The following RMND5B variants were observed in gnomAD, a reference collection of about 807,000 sequenced individuals.
RMND5B encodes the protein E3 ubiquitin-protein transferase RMND5B.
A neutral mutation model predicts 50.4 loss-of-function variants in RMND5B; 42 were observed. The ratio of observed to expected loss-of-function variants is 0.83; its 90% CI spans 0.65 to 1.08. The LOEUF is 1.08. Ranked by LOEUF, RMND5B falls within the 50% of genes least tolerant of loss-of-function variation. The pLI, the probability that RMND5B is intolerant of heterozygous loss-of-function variation, is 0.00. For missense variants in RMND5B, 463 were observed against 508.5 expected (o/e 0.91, Z 0.86); for synonymous variants, 220 against 210.0 (o/e 1.05, Z -0.41).
In RMND5B at chr5:178,147,565, T is replaced by G. The variant is rs1465567268; in HGVS notation, c.893T>G (p.Leu298Trp). ...FASGCVALPVLMNIKAVIEQR... is the reference protein window; with the variant it reads ...FASGCVALPVWMNIKAVIEQR... The stretch of plus-strand genomic sequence containing the variant: ...TCTGGCTGTGTGGCGCTGCCTGTGT[T>G]GATGAACATCAAGGCTGTGATTGAG... The change falls in exon 9 of 11, where the codon TTG (leucine) becomes TGG (tryptophan). Residue 298 changes from leucine to tryptophan, a missense_variant. Coordinates refer to ENST00000313386, the MANE Select transcript of RMND5B (RefSeq NM_022762.5). 1.9e-6 allele frequency: 3 copies of G among 1,614,112 alleles called. No individual in the cohort carries two copies. Among genetic ancestry groups the G allele is most frequent in the African/African-American group, 1.3e-5 (1 of 75,012 alleles).
rs766189938 is a variant in RMND5B, at chr5:178,138,274, TG to T, written c.139+17del. 2.5e-6 allele frequency: 4 copies of T among 1,611,558 alleles called. No individual in the cohort carries two copies. The South Asian group carries it at 4.4e-5, about 18-fold the overall frequency. ...GCCAGCGCAGGTGGGTGGCCACCCTTGCAAGTGCCCTGCGACAGCCTCCCTG... is the reference window on the plus strand; with the variant it reads ...GCCAGCGCAGGTGGGTGGCCACCCTTCAAGTGCCCTGCGACAGCCTCCCTG... On this transcript the variant is annotated intron_variant, in intron 3 of 10. Coordinates refer to ENST00000313386, the MANE Select transcript of RMND5B (RefSeq NM_022762.5). This position sits in a 1 kb window ranked among gnomAD's most constrained non-coding sequence, Gnocchi z 5.1.
At position 178,149,917 on chromosome 5, in the gene RMND5B, C is replaced by T; in HGVS notation, c.*1885C>T. On this transcript the variant is annotated 3_prime_UTR_variant, in exon 11 of 11. Transcript: ENST00000313386. ...AGGAAGTCACCAACTGATGACCCAC[C>T]AGCCTAATCTGGCCCACAACCATGT... is the stretch of plus-strand genomic sequence containing the variant. The T allele has an allele frequency of 6.6e-7, 1 of 1,507,950 alleles. No homozygotes were observed. The highest frequency in any genetic ancestry group is 1.2e-5 in the South Asian group (1 of 84,340). The allele number at this position is 1,507,950 out of a possible 1,614,324, so 93.4% of individuals were successfully genotyped here.
rs1758654135 is a variant in RMND5B, at chr5:178,137,051, T to C, written c.-12-1057T>C. The stretch of plus-strand genomic sequence containing the variant: ...TAGGTGGGCACAGGCTAGAGACAGC[T>C]GCTGAAGACGCTGACGTCTGAGCTA... On this transcript the variant is annotated intron_variant, in intron 2 of 10. Transcript: ENST00000313386. This position sits in a 1 kb window ranked among gnomAD's most constrained non-coding sequence, Gnocchi z 4.4. 6.6e-6 allele frequency among the ~76,000 whole-genome samples: 1 copy of C among 152,114 alleles called. No homozygotes were observed. The highest frequency in any genetic ancestry group is 2.4e-5 in the African/African-American group (1 of 41,418).
chr5:178,146,721 C>T (rs1186992087), intron 8 of RMND5B: 1 of 158,462 alleles, frequency 6.3e-6, no homozygotes, highest in Admixed American at 6.0e-5. Context: ...TCCCAGCAAC[C>T]CTGGGAGGGA....
In RMND5B at chr5:178,147,993, G is replaced by T. The variant is rs191806078; in HGVS notation, c.1143G>T (p.Met381Ile). Residue 381 changes from methionine to isoleucine, a missense_variant, in exon 11 of 11, where the codon ATG becomes ATT. Coordinates refer to ENST00000313386, the MANE Select transcript of RMND5B (RefSeq NM_022762.5). ...GGKLKCPYCP[M>I]EQNPADGKRI... is the part of the protein sequence containing the mutation. The stretch of plus-strand genomic sequence containing the variant: ...GGCTGAAGTGTCCCTACTGTCCCAT[G>T]GAGCAGAACCCGGCAGATGGGAAAC... 1.2e-6 allele frequency: 2 copies of T among 1,614,112 alleles called. No individual in the cohort carries two copies. The highest frequency in any genetic ancestry group is 1.1e-5 in the South Asian group (1 of 91,060).
intron 8 of RMND5B, chr5:178,146,957 A>G (rs554302819): frequency 6.3e-6 from 1 of 158,434 alleles, no homozygotes; most frequent in East Asian, 1.9e-4. Flanking sequence ...GTTACCATGG[A>G]CTCAGTTTAT....
Position 178,145,860 on chromosome 5 carries a change from G to A in RMND5B, c.695-254G>A. On this transcript the variant is annotated intron_variant, in intron 7 of 10. Coordinates refer to ENST00000313386, the MANE Select transcript of RMND5B (RefSeq NM_022762.5). ...TGGGGGAGGAAAGAGAACTGGAAAA[G>A]AACTGTCCTCATTCCTGATTCTGTG... 8.8e-6 allele frequency: 4 copies of A among 452,348 alleles called. No homozygotes were observed. The South Asian group carries it at 1.2e-4, about 14-fold the overall frequency. The allele number at this position is 452,348 out of a possible 1,614,324, so 28.0% of individuals were successfully genotyped here.
rs1409603740 is a variant in RMND5B at position 178,149,654 on chromosome 5, C to T, written c.*1622C>T. The T allele has an allele frequency of 6.2e-6, 10 of 1,607,430 alleles. No individual in the cohort carries two copies. The highest frequency in any genetic ancestry group is 2.2e-4 in the Middle Eastern group (1 of 4,640). On this transcript the variant is annotated 3_prime_UTR_variant, in exon 11 of 11. Coordinates refer to ENST00000313386, the MANE Select transcript of RMND5B (RefSeq NM_022762.5). ...GTGGGTGGGCAGGAGGACAGCCAGTCGTCCTGCTGCCAGCCCAATAGCTTC... is the reference window on the plus strand; with the variant it reads ...GTGGGTGGGCAGGAGGACAGCCAGTTGTCCTGCTGCCAGCCCAATAGCTTC...
intron 7 of RMND5B, among the ~76,000 whole-genome samples, chr5:178,144,565 C>G (rs1755879820): frequency 6.6e-6 from 1 of 151,904 alleles, no homozygotes; most frequent in Non-Finnish European, 1.5e-5. Context: ...AACCCCATCT[C>G]TACTAAAAAT....
At position 178,142,839 on chromosome 5, in the gene RMND5B, C is replaced by G; in HGVS notation, c.286-13C>G. The G allele has an allele frequency of 6.2e-7, 1 of 1,614,194 alleles. No individual in the cohort carries two copies. Among genetic ancestry groups the G allele is most frequent in the South Asian group, 1.1e-5 (1 of 91,072 alleles). On this transcript the variant is annotated splice_polypyrimidine_tract_variant and intron_variant, in intron 4 of 10. Coordinates refer to ENST00000313386, the MANE Select transcript of RMND5B (RefSeq NM_022762.5). ...GCCCGCATCACCAGGCCCTGTCTCTCCTCCTTCGTCAGAACTTCGACTCTG... is the reference window on the plus strand; with the variant it reads ...GCCCGCATCACCAGGCCCTGTCTCTGCTCCTTCGTCAGAACTTCGACTCTG...
chr5:178,147,243 C>T (rs1172243842), intron 8 of RMND5B: 6 of 453,068 alleles, frequency 1.3e-5, no homozygotes, highest in Admixed American at 3.8e-5. Flanking sequence ...CTAGTCACAC[C>T]AAGGACTTTT....
rs61749659 is a variant in RMND5B, at chr5:178,138,254, C to T, written c.135C>T (p.Ser45=). 0.024 allele frequency: 39,138 copies of T among 1,612,668 alleles called. 529 individuals are homozygous for T. The highest frequency in any genetic ancestry group is 0.056 in the Middle Eastern group (341 of 6,054). The change falls in exon 3 of 11, where the codon AGC becomes AGT. Residue 45 remains serine (S), a synonymous_variant. Coordinates refer to ENST00000313386, the MANE Select transcript of RMND5B (RefSeq NM_022762.5). The surrounding 1 kb of genome is among the most constrained non-coding windows in gnomAD (Gnocchi z 5.1). ...GCCAGCTGCGGGCTGAGCTGGCCAG[C>T]GCAGGTGGGTGGCCACCCTTGCAAG... ...YVGQLRAELA[S]AALQGTPLSA... is the part of the protein sequence containing the mutation.
chr5:178,131,767 T>C (rs1430240428), intron 2 of RMND5B, among the ~76,000 whole-genome samples: 1 of 151,806 alleles, frequency 6.6e-6, no homozygotes, highest in Non-Finnish European at 1.5e-5. Flanking sequence ...GAACAGCCAG[T>C]GTGAAGGCCC....
rs973051052 is a variant in RMND5B at position 178,146,172 on chromosome 5, C to G, written c.753C>G (p.Pro251=). 9.3e-6 allele frequency: 15 copies of G among 1,614,044 alleles called. No homozygotes were observed. Among genetic ancestry groups the G allele is most frequent in the East Asian group, 4.5e-5 (2 of 44,892 alleles). Residue 251 remains proline, a synonymous_variant, in exon 8 of 11, where the codon CCC becomes CCG. Coordinates refer to ENST00000313386, the MANE Select transcript of RMND5B (RefSeq NM_022762.5). ...VYLRLGLEKS[P]YCHLLDSSHW... ...TGCGGCTGGGCTTGGAGAAGTCACC[C>G]TACTGCCACCTGCTGGACAGCAGCC... is the stretch of plus-strand genomic sequence containing the variant.
chr5:178,144,006 C>A lies in RMND5B; in HGVS notation c.592C>A (p.Arg198=). Residue 198 remains arginine (R), a synonymous_variant, in exon 7 of 11, where the codon CGA becomes AGA. Coordinates refer to ENST00000313386, the MANE Select transcript of RMND5B (RefSeq NM_022762.5). Reference sequence around the variant, plus strand: ...CAGCTCCCTGGAGTTCAAGCTGCACCGACTGCACTTCATCCGCCTCTTGGC... The same window carrying A: ...CAGCTCCCTGGAGTTCAAGCTGCACAGACTGCACTTCATCCGCCTCTTGGC... ...LNSSLEFKLH[R]LHFIRLLAGG... 6.2e-7 allele frequency: 1 copy of A among 1,614,264 alleles called. No individual in the cohort carries two copies. The highest frequency in any genetic ancestry group is 8.5e-7 in the Non-Finnish European group (1 of 1,180,032).
chr5:178,136,433 G>T (rs376681458), intron 2 of RMND5B, among the ~76,000 whole-genome samples: 1 of 152,146 alleles, frequency 6.6e-6, no homozygotes, highest in Non-Finnish European at 1.5e-5. Context: ...AGGGGATGGT[G>T]GGGGGTGGGT....
At chr5:178,147,283 C>G in intron 8 of RMND5B, 1 of 546,070 alleles carries the variant, frequency 1.8e-6, no homozygotes, top group East Asian at 3.1e-5. Flanking sequence ...ATATCTGCCC[C>G]TAGAGCTATA....
At chr5:178,140,129 A>G (rs1264178440) in intron 3 of RMND5B, among the ~76,000 whole-genome samples, 1 of 152,176 alleles carries the variant, frequency 6.6e-6, no homozygotes, top group African/African-American at 2.4e-5. Context: ...TTCTCAGTGC[A>G]TCACACTGGA....
At position 178,143,694 on chromosome 5, in the gene RMND5B, C is replaced by T. The variant is rs1755812965; in HGVS notation, c.494C>T (p.Ala165Val). The T allele has an allele frequency of 5.0e-6, 8 of 1,614,012 alleles. No individual in the cohort carries two copies. The highest frequency in any genetic ancestry group is 6.8e-6 in the Non-Finnish European group (8 of 1,179,978). ...PFLELNRILE[A>V]LHEQDLGPAL... ...CTAGAGTTGAATCGAATCCTGGAAG[C>T]CCTGCACGAACAAGACCTGGGTCCT... is the stretch of plus-strand genomic sequence containing the variant. Residue 165 changes from alanine (A) to valine (V), a missense_variant, in exon 6 of 11, where the codon GCC becomes GTC. Transcript: ENST00000313386.
Sources: allele counts gnomAD v4.1 joint callset (sites outside exome capture counted in the v4.1 genomes callset), GRCh38; gene constraint gnomAD v4.1.1; non-coding constraint Gnocchi (gnomAD v3.1); transcripts MANE v1.5; gene names NCBI Gene and HGNC (gene_info 2026-07-23, HGNC 2026-07-21).